Variants in B3GALT1 observed in about 807,000 individuals in gnomAD.
B3GALT1 encodes beta-1,3-galactosyltransferase 1, also known as UDP-Gal:betaGlcNAc beta 1,3-galactosyltransferase, polypeptide 1.
B3GALT1 carries 10 observed loss-of-function variants against 23.2 expected under a neutral mutation model. That is an observed-to-expected ratio of 0.43 (90% CI 0.27 to 0.73). The LOEUF (loss-of-function observed/expected upper bound fraction) is 0.73, where lower values mean the gene tolerates loss of function less well. Ranked by LOEUF, B3GALT1 falls within the 30% of genes least tolerant of loss-of-function variation. The probability of loss-of-function intolerance (pLI) is 0.21; values close to 1 mark genes in which losing one functional copy is unlikely to be tolerated. For missense variants in B3GALT1, 299 were observed against 405.4 expected, an observed-to-expected ratio of 0.74 and a Z score of 2.25; for synonymous variants, 156 against 141.5, an observed-to-expected ratio of 1.10 and a Z score of -0.73.
intron 3 of B3GALT1, among the ~76,000 whole-genome samples, chr2:167,796,037 A>G (rs187784260): frequency 6.6e-6 from 1 of 152,362 alleles, no homozygotes. Flanking sequence ...ATACACTTCA[A>G]CTTTTAGATA....
At chr2:167,408,357 G>A (rs574485245) in intron 1 of B3GALT1, among the ~76,000 whole-genome samples, 1 of 152,026 alleles carries the variant, frequency 6.6e-6, no homozygotes, top group Non-Finnish European at 1.5e-5. Context: ...GGGTATTGAA[G>A]GAACATACCT....
chr2:167,608,849 G>A (rs6711607), intron 2 of B3GALT1, among the ~76,000 whole-genome samples: 17,654 of 151,952 alleles, frequency 0.12, 2,532 homozygotes, highest in African/African-American at 0.33. Flanking sequence ...AAGTTGCCAG[G>A]TTTCTTACCA....
Position 167,533,063 on chromosome 2 carries a change from G to A in B3GALT1, c.-410+42786G>A, listed in dbSNP as rs576381392. Among the ~76,000 whole-genome samples the A allele has an allele frequency of 3.3e-5, 5 of 152,074 alleles. No individual in the cohort carries two copies. In the East Asian group the frequency reaches 9.7e-4, roughly 29 times the overall value. ...TTTAGTAGAGACGGGGTTTCTCTAT[G>A]TTGGTCAGGCTGGTCTCGAACACTT... On this transcript the variant is annotated intron_variant, in intron 2 of 4. Transcript: ENST00000392690.
chr2:167,325,201 C>T (rs1574033184), intron 1 of B3GALT1, among the ~76,000 whole-genome samples: 1 of 150,910 alleles, frequency 6.6e-6, no homozygotes, highest in South Asian at 2.1e-4. Context: ...ATATTGATTT[C>T]TTTTTTTTTG....
intron 1 of B3GALT1, among the ~76,000 whole-genome samples, chr2:167,297,651 T>C (rs961824261): frequency 1.3e-5 from 2 of 152,110 alleles, no homozygotes; most frequent in African/African-American, 4.8e-5. Flanking sequence ...CAGTTTCACT[T>C]TCTGTGCTTC....
chr2:167,614,458 A>G (rs1371114749), intron 2 of B3GALT1, among the ~76,000 whole-genome samples: 1 of 151,896 alleles, frequency 6.6e-6, no homozygotes, highest in African/African-American at 2.4e-5. Flanking sequence ...CTCTGAATCC[A>G]TTAGTAAGGA....
intron 1 of B3GALT1, among the ~76,000 whole-genome samples, chr2:167,317,289 G>A (rs188287339): frequency 6.6e-6 from 1 of 152,266 alleles, no homozygotes; most frequent in African/African-American, 2.4e-5. Flanking sequence ...TGGCATTTGA[G>A]TAGACAAAGG....
chr2:167,713,775 G>C, intron 3 of B3GALT1: 1 of 1,590,888 alleles, frequency 6.3e-7, no homozygotes, highest in Non-Finnish European at 8.6e-7. Flanking sequence ...CCAGGTCTTG[G>C]ATGAAAGTAA....
chr2:167,295,769 G>A (rs906183700), intron 1 of B3GALT1, among the ~76,000 whole-genome samples: 8 of 49,796 alleles, frequency 1.6e-4, no homozygotes, highest in African/African-American at 1.1e-3. Context: ...GTGTGTGTAC[G>A]TGTGTGTGTG....
At chr2:167,598,647 A>G (rs1370056054) in intron 2 of B3GALT1, among the ~76,000 whole-genome samples, 2 of 152,188 alleles carry the variant, frequency 1.3e-5, no homozygotes, top group Admixed American at 1.3e-4. Flanking sequence ...TTTCTCTAAC[A>G]CATTCTCACG....
intron 2 of B3GALT1, among the ~76,000 whole-genome samples, chr2:167,569,602 G>T (rs1451038453): frequency 6.6e-6 from 1 of 151,650 alleles, no homozygotes; most frequent in South Asian, 2.1e-4. Flanking sequence ...CACGTCATTT[G>T]CAAACAATGA....
At chr2:167,599,180 C>T (rs1574160398) in intron 2 of B3GALT1, among the ~76,000 whole-genome samples, 2 of 152,306 alleles carry the variant, frequency 1.3e-5, no homozygotes, top group East Asian at 3.9e-4. Context: ...TCAGTAGTGG[C>T]TGTTAGCTAC....
At chr2:167,861,783 A>G (rs1391700608) in intron 4 of B3GALT1, among the ~76,000 whole-genome samples, 1 of 152,140 alleles carries the variant, frequency 6.6e-6, no homozygotes, top group Non-Finnish European at 1.5e-5. Flanking sequence ...AAGAGAGAGG[A>G]GACATTTGCA....
chr2:167,859,592 G>T (rs569032043), intron 4 of B3GALT1, among the ~76,000 whole-genome samples: 1 of 152,132 alleles, frequency 6.6e-6, no homozygotes, highest in African/African-American at 2.4e-5. Flanking sequence ...AAATGTCAAG[G>T]TATATTAAAC....
At chr2:167,846,979 A>G (rs1252616752) in intron 4 of B3GALT1, among the ~76,000 whole-genome samples, 3 of 152,206 alleles carry the variant, frequency 2.0e-5, no homozygotes, top group African/African-American at 7.2e-5. Context: ...CAAAACAAAC[A>G]TTAAAGCAAC....
intron 3 of B3GALT1, among the ~76,000 whole-genome samples, chr2:167,656,632 T>A (rs1243914984): frequency 1.3e-5 from 2 of 152,192 alleles, no homozygotes; most frequent in Non-Finnish European, 2.9e-5. Context: ...AAAATGACAG[T>A]AATGACAAGG....
chr2:167,858,224 T>A (rs1412012956), intron 4 of B3GALT1, among the ~76,000 whole-genome samples: 1 of 152,048 alleles, frequency 6.6e-6, no homozygotes, highest in Non-Finnish European at 1.5e-5. Flanking sequence ...CCTCCCCATT[T>A]TTTTTACAAC....
At chr2:167,465,178 G>T (rs1428821125) in intron 1 of B3GALT1, among the ~76,000 whole-genome samples, 3 of 152,072 alleles carry the variant, frequency 2.0e-5, no homozygotes, top group African/African-American at 7.2e-5. Flanking sequence ...TTAGTCCATT[G>T]AACTTGTTTG....
chr2:167,366,688 C>T (rs554204858), intron 1 of B3GALT1, among the ~76,000 whole-genome samples: 1 of 152,328 alleles, frequency 6.6e-6, no homozygotes, highest in Non-Finnish European at 1.5e-5. Context: ...GGGAGTTGCT[C>T]ATCTCTGCTT....
Sources: allele counts gnomAD v4.1 joint callset (sites outside exome capture counted in the v4.1 genomes callset), GRCh38; gene constraint gnomAD v4.1.1; transcripts MANE v1.5; gene names NCBI Gene and HGNC (gene_info 2026-07-23, HGNC 2026-07-21).